TRHDE: variants seen among roughly 807,000 people sequenced by gnomAD.
TRHDE encodes thyrotropin-releasing hormone-degrading ectoenzyme.
A neutral mutation model predicts 125.7 loss-of-function variants in TRHDE; 72 were observed. That is an observed-to-expected ratio of 0.57 (90% CI 0.47 to 0.70). The LOEUF is 0.70. Among genes scored for constraint, TRHDE ranks in the 30% least tolerant of loss-of-function variants. The pLI, the probability that TRHDE is intolerant of heterozygous loss-of-function variation, is 0.00. For synonymous variants in TRHDE, 509 were observed against 509.1 expected (o/e 1.00, Z 0.00); for missense variants, 1,110 against 1,327.1 (o/e 0.84, Z 2.54).
intron 2 of TRHDE, among the ~76,000 whole-genome samples, chr12:72,182,011 T>C (rs1216141295): frequency 6.6e-6 from 1 of 152,172 alleles, no homozygotes; most frequent in Non-Finnish European, 1.5e-5. Context: ...TGGGTAGAAA[T>C]GTTTTATATC....
intron 2 of TRHDE, among the ~76,000 whole-genome samples, chr12:72,338,634 G>A (rs906840679): frequency 4.6e-5 from 7 of 152,190 alleles, no homozygotes; most frequent in Non-Finnish European, 1.0e-4. Flanking sequence ...AGAGGACTCA[G>A]TGGTTGATGT....
intron 6 of TRHDE, among the ~76,000 whole-genome samples, chr12:72,517,988 G>A (rs1219031528): frequency 3.3e-5 from 5 of 150,862 alleles, no homozygotes; most frequent in Non-Finnish European, 7.4e-5. Context: ...GTTCTAGTTT[G>A]ATTGCACTGT....
intron 1 of TRHDE, among the ~76,000 whole-genome samples, chr12:72,088,746 A>G (rs565183103): frequency 2.0e-5 from 3 of 152,110 alleles, no homozygotes; most frequent in East Asian, 3.9e-4. Flanking sequence ...GGCTTTTATT[A>G]TTGAAGCATT....
intron 2 of TRHDE, among the ~76,000 whole-genome samples, chr12:72,307,185 C>T (rs558547829): frequency 1.5e-4 from 23 of 152,114 alleles, no homozygotes; most frequent in African/African-American, 4.8e-4. Flanking sequence ...TTTCCTCTGT[C>T]GCTCTGGCTG....
intron 12 of TRHDE, 73 bp from the exon 13 acceptor site, chr12:72,618,818 C>A: frequency 7.6e-7 from 1 of 1,313,034 alleles, no homozygotes; most frequent in Non-Finnish European, 1.0e-6. Context: ...TTTTGCTTTT[C>A]CGTCTTTTAT....
intron 15 of TRHDE, among the ~76,000 whole-genome samples, chr12:72,636,027 C>A (rs1288394596): frequency 6.7e-6 from 1 of 150,210 alleles, no homozygotes; most frequent in East Asian, 2.0e-4. Flanking sequence ...TAGTTTTTTC[C>A]AATTCTGTGA....
At position 72,154,479 on chromosome 12, in the gene TRHDE, C is replaced by A. The variant is rs138397256; in HGVS notation, n.279+48727C>A. Among the ~76,000 whole-genome samples, 388 of 152,344 alleles carry A rather than the reference C, an allele frequency of 2.5e-3. 14 individuals are homozygous for A. In the East Asian group the frequency reaches 0.066, roughly 26 times the overall value. ...TTTTGCTCGTTAGTTGATGCAGTTT[C>A]TTCCTAGCCTCGATGGTCTTTACAA... On this transcript the variant is annotated intron_variant and non_coding_transcript_variant, in intron 2 of 4. Coordinates refer to the TRHDE transcript ENST00000548156.
chr12:72,115,701 A>C (rs928269442), intron 2 of TRHDE, among the ~76,000 whole-genome samples: 3 of 151,898 alleles, frequency 2.0e-5, no homozygotes, highest in Admixed American at 2.0e-4. Context: ...CCACATCCTC[A>C]CTAGCATTTA....
chr12:72,572,425 C>T (rs910656335), intron 10 of TRHDE, among the ~76,000 whole-genome samples: 1 of 152,110 alleles, frequency 6.6e-6, no homozygotes, highest in Non-Finnish European at 1.5e-5. Context: ...AACTTCCATA[C>T]ATTTTATTAT....
intron 6 of TRHDE, among the ~76,000 whole-genome samples, chr12:72,530,053 A>C (rs544362682): frequency 6.6e-6 from 1 of 152,284 alleles, no homozygotes; most frequent in South Asian, 2.1e-4. Context: ...GATGTTGGTC[A>C]CGTTGAGCTG....
intron 2 of TRHDE, among the ~76,000 whole-genome samples, chr12:72,207,208 C>A (rs1194919049): frequency 6.6e-6 from 1 of 152,106 alleles, no homozygotes; most frequent in Admixed American, 6.5e-5. Flanking sequence ...AAGATATGTG[C>A]AAAATAGAAA....
intron 2 of TRHDE, chr12:72,255,968 T>C (rs1467573830): frequency 6.6e-6 from 1 of 152,184 alleles, no homozygotes; most frequent in Non-Finnish European, 1.5e-5. Flanking sequence ...TCTACTACCA[T>C]CCTTATCCAA....
chr12:72,617,437 A>G (rs1260132251), intron 12 of TRHDE, among the ~76,000 whole-genome samples: 1 of 152,178 alleles, frequency 6.6e-6, no homozygotes, highest in East Asian at 1.9e-4. Flanking sequence ...ACTAAATGGA[A>G]AAATTATTTT....
intron 1 of TRHDE, among the ~76,000 whole-genome samples, chr12:72,102,033 C>T (rs1382393672): frequency 6.6e-6 from 1 of 152,030 alleles, no homozygotes; most frequent in Non-Finnish European, 1.5e-5. Context: ...TGAATCTTTG[C>T]TTAAAGCAAG....
intron 2 of TRHDE, among the ~76,000 whole-genome samples, chr12:72,192,664 G>A (rs1300095625): frequency 3.3e-5 from 5 of 152,102 alleles, no homozygotes; most frequent in South Asian, 2.1e-4. Flanking sequence ...TGTTGTTGTG[G>A]TATGAACTTA....
intron 2 of TRHDE, among the ~76,000 whole-genome samples, chr12:72,178,964 GA>G (rs1434841112): frequency 1.3e-5 from 2 of 151,980 alleles, no homozygotes; most frequent in Non-Finnish European, 2.9e-5. Context: ...AAGATATATA[GA>G]AGAACAATTT....
intron 2 of TRHDE, among the ~76,000 whole-genome samples, chr12:72,373,817 G>A (rs2135768900): frequency 6.6e-6 from 1 of 152,234 alleles, no homozygotes; most frequent in East Asian, 1.9e-4. Context: ...TGAAGTTAGT[G>A]TGGAGCAAAG....
At chr12:72,358,589 G>A (rs1289064380) in intron 2 of TRHDE, among the ~76,000 whole-genome samples, 9 of 151,348 alleles carry the variant, frequency 5.9e-5, no homozygotes, top group Admixed American at 2.0e-4. Flanking sequence ...TGGGGTCAGC[G>A]CCTCTAACCC....
In TRHDE at chr12:72,473,246, A is replaced by G. The variant is rs531566313; in HGVS notation, c.1584+66A>G. On this transcript the variant is annotated intron_variant, in intron 5 of 18. Transcript: ENST00000261180. ...CGATCTAGTGTTACATTAGGCTTAT[A>G]CCATCCTTAGAGATGACTAAAAATA... The G allele has an allele frequency of 2.2e-5, 28 of 1,263,958 alleles. No individual in the cohort carries two copies. In the East Asian group the frequency reaches 5.4e-4, roughly 24 times the overall value. The allele number at this position is 1,263,958 out of a possible 1,614,324, so 78.3% of individuals were successfully genotyped here. A position where few individuals can be genotyped will look rare whatever the true frequency, so the allele number is the denominator to read the frequency against.
Sources: allele counts gnomAD v4.1 joint callset (sites outside exome capture counted in the v4.1 genomes callset), GRCh38; gene constraint gnomAD v4.1.1; transcripts MANE v1.5; gene names NCBI Gene and HGNC (gene_info 2026-07-23, HGNC 2026-07-21).